Variants in HAUS6 observed in about 807,000 individuals in gnomAD.
HAUS6 encodes the protein HAUS augmin-like complex subunit 6.
In HAUS6, 80 loss-of-function variants were observed where a neutral mutation model predicts 106.8. The observed-to-expected ratio is 0.75, with a 90% confidence interval of 0.63 to 0.90. The LOEUF is 0.90. HAUS6 is among the 40% of genes least tolerant of loss of function. The pLI is 0.00. For synonymous variants in HAUS6, 356 were observed against 379.1 expected, an observed-to-expected ratio of 0.94 and a Z score of 0.71; for missense variants, 1,155 against 1,118.1, an observed-to-expected ratio of 1.03 and a Z score of -0.47.
At position 19,070,269 on chromosome 9, in the gene HAUS6, A is replaced by G. The variant is rs552647045; in HGVS notation, c.1326T>C (p.Gly442=). The G allele has an allele frequency of 3.1e-6, 5 of 1,602,408 alleles. No individual in the cohort carries two copies. The highest frequency in any genetic ancestry group is 1.3e-5 in the African/African-American group (1 of 74,840). Residue 442 remains glycine, a synonymous_variant, in exon 12 of 17, where the codon GGT becomes GGC. Transcript: ENST00000380502. Reference sequence around the variant, plus strand: ...CCAAGGTATCACTGTCTCCTCTGCAACCATTTTCTTGGTTATGTTGCTTAT... The same window carrying G: ...CCAAGGTATCACTGTCTCCTCTGCAGCCATTTTCTTGGTTATGTTGCTTAT... ...DAHKQHNQEN[G]CRGDSDTLGA...
intron 5 of HAUS6, 28 bp from the exon 6 acceptor site, chr9:19,087,184 TA>T (rs759061788): frequency 2.5e-6 from 3 of 1,201,288 alleles, no homozygotes; most frequent in Non-Finnish European, 3.7e-6. Flanking sequence ...AAATGACAAC[TA>T]TAATACCATT....
At chr9:19,094,550 G>A (rs1344655019) in intron 2 of HAUS6, among the ~76,000 whole-genome samples, 155 bp from the exon 3 acceptor site, 1 of 152,124 alleles carries the variant, frequency 6.6e-6, no homozygotes, top group Non-Finnish European at 1.5e-5. Context: ...CCAGCACTTT[G>A]GAAAGCCAAT....
At chr9:19,065,386 A>C (rs879625836) in intron 12 of HAUS6, among the ~76,000 whole-genome samples, 9 of 152,256 alleles carry the variant, frequency 5.9e-5, no homozygotes, top group Non-Finnish European at 1.0e-4. Flanking sequence ...AAAAAAGAGG[A>C]ACACACTTTT....
intron 1 of HAUS6, among the ~76,000 whole-genome samples, chr9:19,099,231 A>C (rs1290835969): frequency 6.7e-6 from 1 of 149,042 alleles, no homozygotes; most frequent in Non-Finnish European, 1.5e-5. Flanking sequence ...CAGCGGCGCG[A>C]TCTCGGCTCA....
chr9:19,065,960 G>C (rs1836752541), intron 12 of HAUS6, among the ~76,000 whole-genome samples: 1 of 141,510 alleles, frequency 7.1e-6, no homozygotes, highest in Non-Finnish European at 1.5e-5. Flanking sequence ...TTTTGAGACA[G>C]ACTCTCACTC....
Position 19,054,754 on chromosome 9 carries a change from A to G in HAUS6, c.*1589T>C, listed in dbSNP as rs769991176. The G allele has an allele frequency of 1.2e-4, 19 of 152,210 alleles. No homozygotes were observed. Among genetic ancestry groups the G allele is most frequent in the Admixed American group, 3.9e-4 (6 of 15,280 alleles). The allele number at this position is 152,210 out of a possible 1,614,324, so 9.4% of individuals were successfully genotyped here. A position where few individuals can be genotyped will look rare whatever the true frequency, so the allele number is the denominator to read the frequency against. ...CTCTATTTCCTAGCAGCAGTTCTCA[A>G]ACTCTTTCTCGAGCTTAAGAATTAC... is the stretch of plus-strand genomic sequence containing the variant. On this transcript the variant is annotated 3_prime_UTR_variant, in exon 17 of 17. Transcript: ENST00000380502.
At chr9:19,090,196 T>C (rs1817714199) in intron 4 of HAUS6, among the ~76,000 whole-genome samples, 1 of 152,066 alleles carries the variant, frequency 6.6e-6, no homozygotes. Context: ...TAAAAAAGAT[T>C]TCTAAAGGCG....
At chr9:19,087,818 A>T (rs1564018222) in intron 5 of HAUS6, among the ~76,000 whole-genome samples, 2 of 138,900 alleles carry the variant, frequency 1.4e-5, no homozygotes, top group Non-Finnish European at 3.1e-5. Flanking sequence ...ACTCTAGTCT[A>T]GCTAAGCAAC....
Position 19,055,922 on chromosome 9 carries a change from T to C in HAUS6, c.*421A>G, listed in dbSNP as rs1187808396. 6.4e-6 allele frequency: 1 copy of C among 155,568 alleles called. No homozygotes were observed. Among genetic ancestry groups the C allele is most frequent in the Non-Finnish European group, 1.4e-5 (1 of 70,334 alleles). The allele number at this position is 155,568 out of a possible 1,614,324, so 9.6% of individuals were successfully genotyped here. ...AGAAACAATAAAAGTTGTATAGTTC[T>C]CTAAGATGAAAGATTAGTATATTCA... is the stretch of plus-strand genomic sequence containing the variant. On this transcript the variant is annotated 3_prime_UTR_variant, in exon 17 of 17. Transcript: ENST00000380502.
intron 13 of HAUS6, 140 bp from the exon 14 acceptor site, chr9:19,063,333 A>T: frequency 5.9e-6 from 4 of 682,310 alleles, no homozygotes; most frequent in Non-Finnish European, 9.8e-6. Context: ...CACTGGCAGA[A>T]TTAACTAATT....
intron 7 of HAUS6, among the ~76,000 whole-genome samples, chr9:19,083,454 T>A (rs1398114898): frequency 6.6e-6 from 1 of 152,040 alleles, no homozygotes; most frequent in African/African-American, 2.4e-5. Flanking sequence ...ATTTTCTATA[T>A]GCTGACATGT....
intron 12 of HAUS6, among the ~76,000 whole-genome samples, chr9:19,068,239 T>C (rs533924115): frequency 4.6e-5 from 7 of 152,292 alleles, no homozygotes; most frequent in Non-Finnish European, 8.8e-5. Flanking sequence ...CCAGTAACTT[T>C]ACTATCTCTT....
rs1396727756 is a variant in HAUS6 at position 19,060,198 on chromosome 9, G to C, written c.1655C>G (p.Ser552Ter). Residue 552 changes from serine to a stop codon, truncating the protein, a stop_gained, in exon 15 of 17, where the codon TCA (serine) becomes TGA (stop). Coordinates refer to ENST00000380502, the MANE Select transcript of HAUS6 (RefSeq NM_017645.5). LOFTEE classifies it high-confidence loss of function. ...EEVARAVLSD[S>*]PQLSEGKEIK... ...TTCTTTTCCTTCAGAGAGCTGTGGT[G>C]AATCAGATAAAACTGCTCTGGCAAC... 3 of 1,571,430 alleles carry C rather than the reference G, an allele frequency of 1.9e-6. No homozygotes were observed. The highest frequency in any genetic ancestry group is 2.6e-6 in the Non-Finnish European group (3 of 1,162,054).
chr9:19,063,704 G>A (rs373447349), intron 12 of HAUS6, 124 bp from the exon 13 acceptor site: 17 of 800,898 alleles, frequency 2.1e-5, no homozygotes, highest in Non-Finnish European at 3.4e-5. Context: ...AATTCGTCCC[G>A]GTCATCAAAA....
chr9:19,070,929 G>T (rs574986267), intron 11 of HAUS6, among the ~76,000 whole-genome samples: 1 of 152,178 alleles, frequency 6.6e-6, no homozygotes, highest in Non-Finnish European at 1.5e-5. Flanking sequence ...CTGAGAGAAC[G>T]AGGTACAAGT....
At chr9:19,086,082 C>T (rs1025698782) in intron 7 of HAUS6, among the ~76,000 whole-genome samples, 2 of 151,610 alleles carry the variant, frequency 1.3e-5, no homozygotes, top group Non-Finnish European at 2.9e-5. Flanking sequence ...GAGACTGAGG[C>T]GGGCAGATCA....
chr9:19,090,622 CA>C (rs1434790949), intron 4 of HAUS6, among the ~76,000 whole-genome samples: 1 of 152,220 alleles, frequency 6.6e-6, no homozygotes, highest in Non-Finnish European at 1.5e-5. Context: ...CCTGACCTCC[CA>C]AAGTGCTGGG....
At chr9:19,088,590 G>A (rs765786631) in intron 5 of HAUS6, among the ~76,000 whole-genome samples, 1 of 151,856 alleles carries the variant, frequency 6.6e-6, no homozygotes, top group African/African-American at 2.4e-5. Flanking sequence ...AAAGTGGGCC[G>A]GGCACAGTGG....
intron 10 of HAUS6, 47 bp downstream of exon 10, chr9:19,078,129 A>C: frequency 6.5e-7 from 1 of 1,528,276 alleles, no homozygotes; most frequent in Non-Finnish European, 8.9e-7. Context: ...AAAAAAAAAA[A>C]AAAAGGTGGG....
Sources: gnomAD v4.1 joint callset for allele counts (sites outside exome capture counted in the v4.1 genomes callset) on GRCh38, gnomAD v4.1.1 for gene constraint, MANE v1.5 for transcripts, NCBI Gene and HGNC (gene_info 2026-07-23, HGNC 2026-07-21) for gene names.